The following RIN2 variants were observed in gnomAD, a reference collection of about 807,000 sequenced individuals.
The protein encoded by RIN2 is Ras and Rab interactor 2.
RIN2 carries 36 observed loss-of-function variants against 78.0 expected under a neutral mutation model. The ratio of observed to expected loss-of-function variants is 0.46; its 90% confidence interval spans 0.35 to 0.61. The LOEUF (loss-of-function observed/expected upper bound fraction) is 0.61. Among genes scored for constraint, RIN2 ranks in the 20% least tolerant of loss-of-function variants. The pLI is 0.00. For synonymous variants in RIN2, 466 were observed against 466.8 expected (o/e 1.00, Z 0.02); for missense variants, 1,087 against 1,159.7 (o/e 0.94, Z 0.91).
At chr20:19,930,970 C>T (rs2040417459) in intron 3 of RIN2, among the ~76,000 whole-genome samples, 1 of 152,142 alleles carries the variant, frequency 6.6e-6, no homozygotes, top group Admixed American at 6.5e-5. Context: ...AAAATCTTTC[C>T]AGGCACGGTG....
intron 1 of RIN2, among the ~76,000 whole-genome samples, chr20:19,778,213 C>G (rs183401817): frequency 6.6e-6 from 1 of 152,308 alleles, no homozygotes; most frequent in Admixed American, 6.5e-5. Flanking sequence ...AGGGTTCAGA[C>G]AAGATGGCAA....
Position 19,970,529 on chromosome 20 carries a change from C to T in RIN2, c.537-309C>T, listed in dbSNP as rs79805428. Among the ~76,000 whole-genome samples the T allele has an allele frequency of 5.1e-3, 777 of 152,260 alleles. 8 individuals carry two copies. The highest frequency in any genetic ancestry group is 0.018 in the African/African-American group (739 of 41,538). ...ATGTTTTATATGCATGCTAGATCTA[C>T]CAACAAGTCAGCAATTCTGATGTAA... On this transcript the variant is annotated intron_variant, in intron 7 of 12. Coordinates refer to ENST00000255006, the MANE Select transcript of RIN2 (RefSeq NM_018993.4).
chr20:19,834,857 G>A (rs577595529), intron 2 of RIN2, among the ~76,000 whole-genome samples: 1 of 151,932 alleles, frequency 6.6e-6, no homozygotes, highest in South Asian at 2.1e-4. Flanking sequence ...AGAGACTGAG[G>A]CAAGAGAATC....
At chr20:19,769,422 C>T (rs980134692) in intron 1 of RIN2, among the ~76,000 whole-genome samples, 1 of 152,188 alleles carries the variant, frequency 6.6e-6, no homozygotes, top group African/African-American at 2.4e-5. Flanking sequence ...TTTGTCAAAT[C>T]CTTACTCAAA....
intron 2 of RIN2, among the ~76,000 whole-genome samples, chr20:19,874,258 A>G (rs2037787214): frequency 6.6e-6 from 1 of 152,246 alleles, no homozygotes; most frequent in Non-Finnish European, 1.5e-5. Flanking sequence ...TCAACATTAC[A>G]TATTAAATAA....
Position 19,823,837 on chromosome 20 carries a change from C to T in RIN2, c.-37+24090C>T. ...ATCACCAACCTTTTTTGGAGACAGA[C>T]CCAGGGGGCCGATCTTGGGGGCCAG... On this transcript the variant is annotated intron_variant, in intron 2 of 12. Transcript: ENST00000255006. 5 of 1,606,504 alleles carry T rather than the reference C, an allele frequency of 3.1e-6. No homozygotes were observed. The South Asian group carries it at 4.4e-5, about 14-fold the overall frequency.
At chr20:19,919,854 C>T (rs1007256615) in intron 3 of RIN2, among the ~76,000 whole-genome samples, 10 of 152,044 alleles carry the variant, frequency 6.6e-5, no homozygotes, top group Non-Finnish European at 1.0e-4. Flanking sequence ...TTTTTCTTCC[C>T]TATTGTAGAC....
At chr20:19,909,618 G>A (rs549293778) in intron 3 of RIN2, among the ~76,000 whole-genome samples, 1 of 152,210 alleles carries the variant, frequency 6.6e-6, no homozygotes, top group East Asian at 1.9e-4. Flanking sequence ...CACTATTGTG[G>A]GCATCATCAT....
In RIN2 at chr20:19,979,464, C is replaced by T. The variant is rs981690931; in HGVS notation, c.1762+3677C>T. 3.3e-5 allele frequency among the ~76,000 whole-genome samples: 5 copies of T among 152,240 alleles called. No individual in the cohort carries two copies. The Middle Eastern group carries it at 0.01, about 311-fold the overall frequency. On this transcript the variant is annotated intron_variant, in intron 9 of 12. Transcript: ENST00000255006. ...ATATTTCAAAGGTCACTTCGATTTA[C>T]GTATCTGAGTGTTTTTTGTTTGTTA...
intron 1 of RIN2, among the ~76,000 whole-genome samples, chr20:19,775,983 T>C (rs890629271): frequency 6.6e-6 from 1 of 152,256 alleles, no homozygotes; most frequent in African/African-American, 2.4e-5. Context: ...TGTGTATAGC[T>C]TATTAAAGAC....
intron 2 of RIN2, among the ~76,000 whole-genome samples, chr20:19,839,756 C>T (rs1007762158): frequency 2.0e-5 from 3 of 152,190 alleles, no homozygotes; most frequent in Non-Finnish European, 4.4e-5. Flanking sequence ...AGGTCCTCCC[C>T]TTTCCCACTC....
intron 2 of RIN2, among the ~76,000 whole-genome samples, chr20:19,865,962 A>G (rs2037493086): frequency 6.6e-6 from 1 of 152,000 alleles, no homozygotes; most frequent in South Asian, 2.1e-4. Flanking sequence ...TGTGTGAGGG[A>G]TGGTTTTGGG....
intron 12 of RIN2, among the ~76,000 whole-genome samples, chr20:19,999,534 G>GA (rs1043248112): frequency 2.0e-5 from 3 of 152,124 alleles, no homozygotes; most frequent in Admixed American, 6.6e-5. Flanking sequence ...AGATTTAGCA[G>GA]AAAAAAATCT....
intron 1 of RIN2, among the ~76,000 whole-genome samples, chr20:19,763,520 A>G (rs982395029): frequency 8.6e-6 from 1 of 116,686 alleles, no homozygotes; most frequent in African/African-American, 2.7e-5. Context: ...GCATAATCAC[A>G]TAATGAATGA....
chr20:19,973,477 A>T (rs899643843), intron 8 of RIN2, among the ~76,000 whole-genome samples: 2 of 152,228 alleles, frequency 1.3e-5, no homozygotes, highest in African/African-American at 4.8e-5. Flanking sequence ...ACTGCAAAGC[A>T]TAGCTAGAGA....
intron 2 of RIN2, among the ~76,000 whole-genome samples, chr20:19,848,534 C>CAAAAAAAAAAAAAAAAAAAAAAAAAA (rs11352724): frequency 1.9e-5 from 1 of 52,838 alleles, no homozygotes; most frequent in African/African-American, 5.7e-5. Context: ...GACTCCATCT[C>CAAAAAAAAAAAAAAAAAAAAAAAAAA]AAAAAAAAAA....
chr20:19,935,280 C>A (rs1248853139), intron 4 of RIN2, 81 bp downstream of exon 4: 1 of 1,357,754 alleles, frequency 7.4e-7, no homozygotes, highest in African/African-American at 1.4e-5. Flanking sequence ...GACTTGCAGT[C>A]ACTCCTCAGA....
Position 19,844,698 on chromosome 20 carries a change from C to CTTCTTCTTCTTCTTCTTCTTCTTCTTCT in RIN2, c.-36-44867_-36-44866insTCTTCTTCTTCTTCTTCTTCTTCTTCTT, listed in dbSNP as rs2036720210. ...CTTCTTCTTCTTCCTCTTCCTCTTC[C>CTTCTTCTTCTTCTTCTTCTTCTTCTTCT]TCTTCTTCTTCTTCTTCTTCTTCTT... is the stretch of plus-strand genomic sequence containing the variant. On this transcript the variant is annotated intron_variant, in intron 2 of 12. Coordinates refer to ENST00000255006, the MANE Select transcript of RIN2 (RefSeq NM_018993.4). Among the ~76,000 whole-genome samples the CTTCTTCTTCTTCTTCTTCTTCTTCTTCT allele has an allele frequency of 1.3e-3, 34 of 26,356 alleles. 2 individuals are homozygous for CTTCTTCTTCTTCTTCTTCTTCTTCTTCT. The highest frequency in any genetic ancestry group is 3.7e-3 in the African/African-American group (32 of 8,682). The allele number at this position is 26,356 out of a possible 152,430, so 17.3% of individuals were successfully genotyped here.
rs115656090 is a variant in RIN2 at position 19,773,230 on chromosome 20, G to T, written c.-163+14903G>T. On this transcript the variant is annotated intron_variant, in intron 1 of 12. Coordinates refer to ENST00000255006, the MANE Select transcript of RIN2 (RefSeq NM_018993.4). ...GGTTTCCCCTTTCCTGTTGGATTGGGGCTCATCTGATGACCTCATCTAAAT... is the reference window on the plus strand; with the variant it reads ...GGTTTCCCCTTTCCTGTTGGATTGGTGCTCATCTGATGACCTCATCTAAAT... Among the ~76,000 whole-genome samples the T allele has an allele frequency of 6.4e-3, 975 of 152,206 alleles. 7 individuals carry two copies. Among genetic ancestry groups the T allele is most frequent in the African/African-American group, 0.022 (925 of 41,518 alleles).
Sources: allele counts gnomAD v4.1 joint callset (sites outside exome capture counted in the v4.1 genomes callset), GRCh38; gene constraint gnomAD v4.1.1; transcripts MANE v1.5; gene names NCBI Gene and HGNC (gene_info 2026-07-23, HGNC 2026-07-21).